The following PBX1 variants were observed in gnomAD, a reference collection of about 807,000 sequenced individuals.
PBX1 encodes PBX homeobox 1.
PBX1 carries 6 observed loss-of-function variants against 53.4 expected under a neutral mutation model. That is an observed-to-expected ratio of 0.11 (90% CI 0.06 to 0.22). The LOEUF (loss-of-function observed/expected upper bound fraction) is 0.22. PBX1 is among the 10% of genes least tolerant of loss of function. PBX1 has a pLI of 1.00. For missense variants in PBX1, 251 were observed against 551.4 expected (o/e 0.46, Z 5.46); for synonymous variants, 204 against 212.3 (o/e 0.96, Z 0.34).
At chr1:164,610,807 C>T (rs545685105) in intron 2 of PBX1, among the ~76,000 whole-genome samples, 12 of 152,206 alleles carry the variant, frequency 7.9e-5, no homozygotes, top group Non-Finnish European at 1.6e-4. Flanking sequence ...CATTTGCATG[C>T]TCCCCTCTCC....
chr1:164,824,587 C>T (rs189839010), intron 8 of PBX1, among the ~76,000 whole-genome samples: 9 of 152,222 alleles, frequency 5.9e-5, no homozygotes, highest in East Asian at 1.9e-4. Context: ...TAGGTTAGGA[C>T]ACATTTGTCA....
intron 2 of PBX1, among the ~76,000 whole-genome samples, chr1:164,747,918 T>A (rs1665981241): frequency 1.3e-5 from 2 of 152,098 alleles, no homozygotes; most frequent in South Asian, 4.2e-4. Flanking sequence ...GCAACATTTT[T>A]TAATCCACCT....
At chr1:164,763,469 AT>A (rs1213199072) in intron 2 of PBX1, among the ~76,000 whole-genome samples, 1 of 152,232 alleles carries the variant, frequency 6.6e-6, no homozygotes. Context: ...TTACGACTAC[AT>A]TTAGTTACAA....
intron 2 of PBX1, among the ~76,000 whole-genome samples, chr1:164,658,737 GTT>G (rs1660314492): frequency 6.6e-6 from 1 of 152,138 alleles, no homozygotes; most frequent in African/African-American, 2.4e-5. Flanking sequence ...GATTTTAATA[GTT>G]ACCTTATAAT....
intron 2 of PBX1, among the ~76,000 whole-genome samples, chr1:164,724,225 C>T (rs930177435): frequency 6.6e-6 from 1 of 152,146 alleles, no homozygotes; most frequent in South Asian, 2.1e-4. Flanking sequence ...TTCAAAAGGT[C>T]GTAAGTCAAA....
rs61257885 is a variant in PBX1, at chr1:164,796,592, C to A, written c.511-3107C>A. On this transcript the variant is annotated intron_variant, in intron 3 of 8. Transcript: ENST00000420696. ...TCTCATCCTTGGATCTCAATCCAAT[C>A]CATCTTTTTGAAGGAGTCAAGGAAG... 6.4e-3 allele frequency among the ~76,000 whole-genome samples: 970 copies of A among 152,220 alleles called. 5 individuals carry two copies. The highest frequency in any genetic ancestry group is 0.023 in the South Asian group (111 of 4,820).
chr1:164,623,064 C>T (rs1258514586), intron 2 of PBX1, among the ~76,000 whole-genome samples: 1 of 152,158 alleles, frequency 6.6e-6, no homozygotes, highest in African/African-American at 2.4e-5. Context: ...CCACCTGCCT[C>T]GGCCTCCCAA....
At chr1:164,869,956 A>C (rs543698339) in intron 2 of PBX1, among the ~76,000 whole-genome samples, 2 of 152,254 alleles carry the variant, frequency 1.3e-5, no homozygotes, top group East Asian at 3.9e-4. Flanking sequence ...GCAAGACTGG[A>C]GCAGAGAGAA....
rs530766532 is a variant in PBX1 at position 164,615,727 on chromosome 1, G to A, written c.265+52416G>A. ...TGTTTTCTGGACAAGGATTCTGTTA[G>A]TTAGAACAGCATTTAATTGTGCCCA... On this transcript the variant is annotated intron_variant, in intron 2 of 8. Coordinates refer to ENST00000420696, the MANE Select transcript of PBX1 (RefSeq NM_002585.4). Among the ~76,000 whole-genome samples, 32 of 152,292 alleles carry A rather than the reference G, an allele frequency of 2.1e-4. No individual in the cohort carries two copies. In the East Asian group the frequency reaches 6.0e-3, roughly 28 times the overall value.
intron 2 of PBX1, among the ~76,000 whole-genome samples, chr1:164,575,705 T>A (rs1243704004): frequency 6.6e-6 from 1 of 152,138 alleles, no homozygotes; most frequent in Non-Finnish European, 1.5e-5. Context: ...AGACGTTAAT[T>A]CCTTTCTGTA....
Position 164,582,567 on chromosome 1 carries a change from C to T in PBX1, c.265+19256C>T, listed in dbSNP as rs1557873135. On this transcript the variant is annotated intron_variant, in intron 2 of 8. Transcript: ENST00000420696. Reference sequence around the variant, plus strand: ...CCTCCCGAGTAGCTGGGATTACAGGCACATGCCACCACACCCAGCTAATTT... The same window carrying T: ...CCTCCCGAGTAGCTGGGATTACAGGTACATGCCACCACACCCAGCTAATTT... 3.3e-5 allele frequency among the ~76,000 whole-genome samples: 5 copies of T among 151,968 alleles called. No individual in the cohort carries two copies. The South Asian group carries it at 8.3e-4, about 25-fold the overall frequency.
intron 2 of PBX1, among the ~76,000 whole-genome samples, chr1:164,878,941 G>A (rs1018211108): frequency 2.6e-5 from 4 of 152,174 alleles, no homozygotes; most frequent in Non-Finnish European, 5.9e-5. Context: ...CTTTCTGGAA[G>A]CATAGGAGAA....
At chr1:164,757,749 G>A (rs766170570) in intron 2 of PBX1, among the ~76,000 whole-genome samples, 4 of 151,016 alleles carry the variant, frequency 2.6e-5, no homozygotes, top group South Asian at 2.1e-4. Flanking sequence ...TTACTATTTC[G>A]TCACCCAGCA....
chr1:164,780,311 A>G (rs1312608782), intron 2 of PBX1, among the ~76,000 whole-genome samples: 1 of 152,190 alleles, frequency 6.6e-6, no homozygotes, highest in Non-Finnish European at 1.5e-5. Flanking sequence ...GCTGCCTGCC[A>G]GGATGTTTGC....
intron 6 of PBX1, chr1:164,817,188 G>A (rs1669916329): frequency 2.0e-5 from 3 of 152,182 alleles, no homozygotes; most frequent in Admixed American, 2.0e-4. Context: ...CAGCCTGCAG[G>A]TAAGGTTTCT....
At chr1:164,666,628 T>G (rs535333292) in intron 2 of PBX1, among the ~76,000 whole-genome samples, 1 of 152,258 alleles carries the variant, frequency 6.6e-6, no homozygotes, top group East Asian at 1.9e-4. Flanking sequence ...TATACTAGTT[T>G]CCAAGAATAT....
intron 2 of PBX1, among the ~76,000 whole-genome samples, chr1:164,643,544 C>A (rs1185395300): frequency 6.6e-6 from 1 of 152,134 alleles, no homozygotes; most frequent in Non-Finnish European, 1.5e-5. Context: ...CCACCATGTG[C>A]CAAAGCAAGT....
chr1:164,609,141 C>G (rs1243999655), intron 2 of PBX1, among the ~76,000 whole-genome samples: 1 of 152,018 alleles, frequency 6.6e-6, no homozygotes, highest in Non-Finnish European at 1.5e-5. Context: ...CAGGAGGCCT[C>G]TTTGTTCTTT....
At chr1:164,583,737 T>C (rs944648306) in intron 2 of PBX1, among the ~76,000 whole-genome samples, 2 of 152,236 alleles carry the variant, frequency 1.3e-5, no homozygotes, top group African/African-American at 4.8e-5. Context: ...TTACCTTATT[T>C]CCTTTTCTTC....
Sources: allele counts gnomAD v4.1 joint callset (sites outside exome capture counted in the v4.1 genomes callset), GRCh38; gene constraint gnomAD v4.1.1; transcripts MANE v1.5; gene names NCBI Gene and HGNC (gene_info 2026-07-23, HGNC 2026-07-21).